Variants in ARL15 observed in about 807,000 individuals in gnomAD.
ARL15 encodes the protein ARF like GTPase 15, also known as ADP-ribosylation factor-like protein 15.
A neutral mutation model predicts 25.2 loss-of-function variants in ARL15; 19 were observed. That is an observed-to-expected ratio of 0.75 (90% confidence interval 0.53 to 1.10). The LOEUF is 1.10. Ranked by LOEUF, ARL15 falls within the 50% of genes least tolerant of loss-of-function variation. ARL15 has a pLI of 0.00. For synonymous variants in ARL15, 94 were observed against 86.8 expected, an observed-to-expected ratio of 1.08 and a Z score of -0.46; for missense variants, 220 against 246.0, an observed-to-expected ratio of 0.89 and a Z score of 0.71.
At chr5:54,158,155 CT>C (rs1311484289) in intron 2 of ARL15, among the ~76,000 whole-genome samples, 4 of 152,034 alleles carry the variant, frequency 2.6e-5, no homozygotes, top group African/African-American at 9.7e-5. Flanking sequence ...ATCAAAATAC[CT>C]TTCTCAAAGG....
At chr5:54,143,995 T>A (rs1235916335) in intron 3 of ARL15, among the ~76,000 whole-genome samples, 1 of 152,058 alleles carries the variant, frequency 6.6e-6, no homozygotes, top group Non-Finnish European at 1.5e-5. Context: ...ATAATATACT[T>A]TTATGCTTGT....
chr5:54,249,529 G>A (rs544141106), intron 1 of ARL15, among the ~76,000 whole-genome samples: 39 of 152,130 alleles, frequency 2.6e-4, no homozygotes, highest in Non-Finnish European at 5.0e-4. Flanking sequence ...TGGGAATAAG[G>A]AAGGAGAGAG....
chr5:54,045,820 A>C (rs1750491603), intron 4 of ARL15, among the ~76,000 whole-genome samples: 1 of 152,220 alleles, frequency 6.6e-6, no homozygotes, highest in South Asian at 2.1e-4. Context: ...ACAATTCCTC[A>C]GTGGACTACA....
At chr5:54,030,259 A>T (rs995592988) in intron 4 of ARL15, among the ~76,000 whole-genome samples, 2 of 152,192 alleles carry the variant, frequency 1.3e-5, no homozygotes, top group African/African-American at 4.8e-5. Flanking sequence ...GCAGTTATGT[A>T]TAAGACACAT....
At chr5:54,129,925 C>T (rs537871810) in intron 3 of ARL15, among the ~76,000 whole-genome samples, 4 of 152,232 alleles carry the variant, frequency 2.6e-5, no homozygotes, top group African/African-American at 9.6e-5. Flanking sequence ...AGTTTATAGC[C>T]CATTTTCAGC....
chr5:54,161,980 T>C (rs538515575), intron 2 of ARL15, among the ~76,000 whole-genome samples: 10 of 127,004 alleles, frequency 7.9e-5, no homozygotes, highest in Non-Finnish European at 1.3e-4. Flanking sequence ...TTTGTTCTTC[T>C]TTACTTACAC....
intron 4 of ARL15, among the ~76,000 whole-genome samples, chr5:54,060,016 T>C (rs1751013465): frequency 6.6e-6 from 1 of 151,122 alleles, no homozygotes; most frequent in Admixed American, 6.6e-5. Context: ...GGTTTGGCTG[T>C]GTCCCCACCC....
At chr5:54,031,758 T>A (rs766054012) in intron 4 of ARL15, among the ~76,000 whole-genome samples, 1 of 152,046 alleles carries the variant, frequency 6.6e-6, no homozygotes, top group African/African-American at 2.4e-5. Flanking sequence ...CACCCGAGAC[T>A]TCGCAAAATG....
At chr5:54,199,134 AC>A (rs1303989392) in intron 1 of ARL15, among the ~76,000 whole-genome samples, 1 of 152,214 alleles carries the variant, frequency 6.6e-6, no homozygotes, top group African/African-American at 2.4e-5. Flanking sequence ...TACATCTTAT[AC>A]AAAAATCAAT....
At chr5:54,243,136 A>C (rs1159363450) in intron 1 of ARL15, among the ~76,000 whole-genome samples, 2 of 152,236 alleles carry the variant, frequency 1.3e-5, no homozygotes, top group African/African-American at 4.8e-5. Flanking sequence ...AGACAGATTC[A>C]AAAAGATTTT....
chr5:53,911,856 G>A (rs1229932090), intron 4 of ARL15, among the ~76,000 whole-genome samples: 1 of 152,174 alleles, frequency 6.6e-6, no homozygotes, highest in African/African-American at 2.4e-5. Flanking sequence ...GGTAGTGATG[G>A]TGGAATATAA....
intron 4 of ARL15, among the ~76,000 whole-genome samples, chr5:53,911,004 T>A (rs1170855001): frequency 3.3e-5 from 5 of 152,148 alleles, no homozygotes. Flanking sequence ...AAAAATAAAG[T>A]AATATCTCCA....
chr5:54,080,010 C>CACACACACACACACACATAT (rs775031344), intron 4 of ARL15, among the ~76,000 whole-genome samples: 5 of 144,680 alleles, frequency 3.5e-5, no homozygotes, highest in South Asian at 2.2e-4. Context: ...CACACACACA[C>CACACACACACACACACATAT]ACACACAGAC....
intron 1 of ARL15, among the ~76,000 whole-genome samples, chr5:54,257,613 TA>T (rs1258915692): frequency 1.3e-5 from 2 of 152,236 alleles, no homozygotes; most frequent in Admixed American, 6.5e-5. Context: ...AATAAGCAGA[TA>T]AGTTGTATGA....
At chr5:54,148,013 G>T (rs902233669) in intron 3 of ARL15, among the ~76,000 whole-genome samples, 1 of 152,112 alleles carries the variant, frequency 6.6e-6, no homozygotes, top group African/African-American at 2.4e-5. Flanking sequence ...AATATACATG[G>T]AACTGTGAAA....
intron 1 of ARL15, among the ~76,000 whole-genome samples, chr5:54,176,204 T>G (rs1187132387): frequency 2.0e-5 from 3 of 152,214 alleles, no homozygotes; most frequent in Non-Finnish European, 2.9e-5. Flanking sequence ...GCTAGATTGA[T>G]AGTTATTACA....
intron 4 of ARL15, among the ~76,000 whole-genome samples, chr5:54,060,143 A>G (rs1277457187): frequency 6.6e-6 from 1 of 151,244 alleles, no homozygotes; most frequent in Non-Finnish European, 1.5e-5. Context: ...AAAAAAAAAA[A>G]AAAAAAAAAC....
chr5:54,201,571 T>C (rs1345344547), intron 1 of ARL15, among the ~76,000 whole-genome samples: 4 of 152,144 alleles, frequency 2.6e-5, no homozygotes, highest in African/African-American at 7.2e-5. Context: ...AGAATCCTGT[T>C]AGGTTGGTTT....
At chr5:54,190,634 T>A (rs1397376483) in intron 1 of ARL15, among the ~76,000 whole-genome samples, 1 of 152,166 alleles carries the variant, frequency 6.6e-6, no homozygotes, top group African/African-American at 2.4e-5. Flanking sequence ...CCTGGAAGCA[T>A]TGGATAAAGG....
Sources: gnomAD v4.1 joint callset for allele counts (sites outside exome capture counted in the v4.1 genomes callset) on GRCh38, gnomAD v4.1.1 for gene constraint, MANE v1.5 for transcripts, NCBI Gene and HGNC (gene_info 2026-07-23, HGNC 2026-07-21) for gene names.